DLGAP1: variants seen among roughly 807,000 people sequenced by gnomAD.
The protein encoded by DLGAP1 is disks large-associated protein 1.
DLGAP1 carries 11 observed loss-of-function variants against 90.8 expected under a neutral mutation model. The observed-to-expected ratio is 0.12, with a 90% CI of 0.08 to 0.20. DLGAP1 has a LOEUF of 0.20. Among genes scored for constraint, DLGAP1 ranks in the 10% least tolerant of loss-of-function variants. The pLI is 1.00. For missense variants in DLGAP1, 1,050 were observed against 1,333.8 expected (o/e 0.79, Z 3.31); for synonymous variants, 558 against 540.7 (o/e 1.03, Z -0.44).
intron 9 of DLGAP1, among the ~76,000 whole-genome samples, chr18:3,554,796 G>A (rs184313271): frequency 8.5e-4 from 129 of 152,218 alleles, no homozygotes; most frequent in African/African-American, 3.0e-3. Flanking sequence ...CAGTTAGGTG[G>A]GCCTTGCTGG....
At chr18:3,948,976 T>C (rs1410425733) in intron 3 of DLGAP1, among the ~76,000 whole-genome samples, 1 of 152,186 alleles carries the variant, frequency 6.6e-6, no homozygotes, top group Non-Finnish European at 1.5e-5. Context: ...TACATCATTA[T>C]AAACCTAAAC....
chr18:4,415,002 A>T (rs1228235615), intron 1 of DLGAP1, among the ~76,000 whole-genome samples: 1 of 151,698 alleles, frequency 6.6e-6, no homozygotes. Context: ...ATTGTGTTTA[A>T]AACATTGGGT....
intron 5 of DLGAP1, among the ~76,000 whole-genome samples, chr18:3,809,723 T>C (rs2066736368): frequency 6.6e-6 from 1 of 152,222 alleles, no homozygotes; most frequent in Non-Finnish European, 1.5e-5. Context: ...TCATGTAGGA[T>C]TAACAGATAT....
At chr18:4,278,857 C>T (rs1183394726) in intron 1 of DLGAP1, among the ~76,000 whole-genome samples, 2 of 152,096 alleles carry the variant, frequency 1.3e-5, no homozygotes, top group African/African-American at 4.8e-5. Context: ...ATATAGGTAT[C>T]TTTGTGATAT....
intron 3 of DLGAP1, chr18:3,895,704 G>C (rs1272840944): frequency 6.6e-6 from 1 of 152,292 alleles, no homozygotes; most frequent in African/African-American, 2.4e-5. Context: ...CCACTGTGCT[G>C]ATGGGGAAGT....
chr18:3,785,003 A>G (rs890351525), intron 5 of DLGAP1, among the ~76,000 whole-genome samples: 1 of 151,782 alleles, frequency 6.6e-6, no homozygotes, highest in Non-Finnish European at 1.5e-5. Flanking sequence ...TCTCCCTTTA[A>G]AAAAAATCCA....
chr18:4,372,200 G>C (rs1381903), intron 1 of DLGAP1, among the ~76,000 whole-genome samples: 98,031 of 152,080 alleles, frequency 0.64, 31,954 homozygotes, highest in African/African-American at 0.74. Context: ...AAGGTACACA[G>C]AACCAGGTAT....
intron 2 of DLGAP1, among the ~76,000 whole-genome samples, chr18:4,061,952 T>C (rs1436555573): frequency 6.6e-6 from 1 of 152,146 alleles, no homozygotes; most frequent in Admixed American, 6.5e-5. Context: ...CTGATAACTT[T>C]AGAGATTGTG....
At chr18:3,818,632 C>T (rs1364389451) in intron 4 of DLGAP1, among the ~76,000 whole-genome samples, 1 of 146,318 alleles carries the variant, frequency 6.8e-6, no homozygotes, top group African/African-American at 2.5e-5. Flanking sequence ...GGTGGTGTCT[C>T]GCTCTGTCAC....
chr18:4,232,331 A>C (rs373791677), intron 1 of DLGAP1, among the ~76,000 whole-genome samples: 1 of 152,154 alleles, frequency 6.6e-6, no homozygotes, highest in Non-Finnish European at 1.5e-5. Flanking sequence ...ATGTGGCTAA[A>C]GGTATTCTTC....
At chr18:3,849,407 G>A (rs1362161102) in intron 4 of DLGAP1, among the ~76,000 whole-genome samples, 1 of 152,058 alleles carries the variant, frequency 6.6e-6, no homozygotes, top group Non-Finnish European at 1.5e-5. Context: ...TGAGTATGAG[G>A]GGTGCATTGC....
At chr18:4,382,443 T>C (rs1240523361) in intron 1 of DLGAP1, among the ~76,000 whole-genome samples, 1 of 151,390 alleles carries the variant, frequency 6.6e-6, no homozygotes, top group Non-Finnish European at 1.5e-5. Flanking sequence ...TACTAATTGA[T>C]CATGAGAAAA....
At chr18:4,351,094 G>A (rs960875246) in intron 1 of DLGAP1, among the ~76,000 whole-genome samples, 1 of 152,170 alleles carries the variant, frequency 6.6e-6, no homozygotes, top group Non-Finnish European at 1.5e-5. Flanking sequence ...CTGAGAAAAT[G>A]CTACCTTAGC....
Position 4,301,819 on chromosome 18 carries a change from T to TG in DLGAP1, c.-266-150533dup, listed in dbSNP as rs1360049828. Among the ~76,000 whole-genome samples the TG allele has an allele frequency of 2.6e-5, 4 of 152,350 alleles. No homozygotes were observed. In the East Asian group the frequency reaches 7.7e-4, roughly 29 times the overall value. ...CCTTGCCAATGACCTTTTGTTTTTT[T>TG]GATAATACCCATTTTAACAGGTGTG... On this transcript the variant is annotated intron_variant, in intron 1 of 12. Transcript: ENST00000315677.
intron 4 of DLGAP1, among the ~76,000 whole-genome samples, chr18:3,876,171 C>T (rs930823122): frequency 2.6e-4 from 39 of 151,978 alleles, no homozygotes; most frequent in African/African-American, 8.2e-4. Context: ...AGAGCTTGCA[C>T]GGGGTGGCAG....
chr18:3,560,311 C>T (rs924830396), intron 9 of DLGAP1, among the ~76,000 whole-genome samples: 3 of 151,276 alleles, frequency 2.0e-5, no homozygotes, highest in African/African-American at 7.3e-5. Flanking sequence ...CCCAGCTACT[C>T]GGTAGGCTGA....
chr18:4,260,417 T>G (rs944552967), intron 1 of DLGAP1, among the ~76,000 whole-genome samples: 4 of 152,212 alleles, frequency 2.6e-5, no homozygotes, highest in Non-Finnish European at 4.4e-5. Flanking sequence ...GCCTTAAGTT[T>G]CATTTTTCTT....
intron 3 of DLGAP1, among the ~76,000 whole-genome samples, chr18:3,895,493 C>G (rs150632153): frequency 6.6e-6 from 1 of 152,276 alleles, no homozygotes; most frequent in East Asian, 1.9e-4. Context: ...TTCTCAAACT[C>G]GAGTTTGCAT....
At chr18:4,201,800 C>T (rs995708796) in intron 1 of DLGAP1, among the ~76,000 whole-genome samples, 1 of 151,932 alleles carries the variant, frequency 6.6e-6, no homozygotes, top group Admixed American at 6.6e-5. Context: ...GTCAAAATGG[C>T]CATTATTAAA....
Sources: allele counts gnomAD v4.1 joint callset (sites outside exome capture counted in the v4.1 genomes callset), GRCh38; gene constraint gnomAD v4.1.1; transcripts MANE v1.5; gene names NCBI Gene and HGNC (gene_info 2026-07-23, HGNC 2026-07-21).